The following LHFPL3 variants were observed in gnomAD, a reference collection of about 807,000 sequenced individuals.
LHFPL3 encodes the protein LHFPL tetraspan subfamily member 3.
Under a neutral mutation model 19.3 loss-of-function variants are expected in LHFPL3, and 5 were observed. That is an observed-to-expected ratio of 0.26 (90% CI 0.14 to 0.54). The LOEUF is 0.54. LHFPL3 is among the 20% of genes least tolerant of loss of function. LHFPL3 has a pLI of 0.94. For synonymous variants in LHFPL3, 133 were observed against 126.2 expected (o/e 1.05, Z -0.36); for missense variants, 249 against 307.4 (o/e 0.81, Z 1.42).
At chr7:104,443,997 C>T (rs551552198) in intron 1 of LHFPL3, among the ~76,000 whole-genome samples, 14 of 152,318 alleles carry the variant, frequency 9.2e-5, no homozygotes, top group East Asian at 3.9e-4. Context: ...CATTGATCAT[C>T]GCTGTGTAAT....
intron 2 of LHFPL3, chr7:104,845,617 TC>T: frequency 3.7e-6 from 1 of 270,606 alleles, no homozygotes; most frequent in Non-Finnish European, 5.7e-6. Flanking sequence ...TACTTCTCTC[TC>T]CCACAATCCC....
At chr7:104,515,012 A>G (rs762677219) in intron 1 of LHFPL3, among the ~76,000 whole-genome samples, 3 of 152,154 alleles carry the variant, frequency 2.0e-5, no homozygotes, top group Non-Finnish European at 4.4e-5. Context: ...TTTGCAACCC[A>G]CTACATTAAT....
chr7:104,495,593 C>T (rs532748385), intron 1 of LHFPL3, among the ~76,000 whole-genome samples: 2 of 152,262 alleles, frequency 1.3e-5, no homozygotes, highest in South Asian at 2.1e-4. Flanking sequence ...CCATGTTAGC[C>T]AGGATGGTCT....
chr7:104,355,457 C>G (rs1203152103), intron 1 of LHFPL3, among the ~76,000 whole-genome samples: 6 of 152,192 alleles, frequency 3.9e-5, no homozygotes, highest in Non-Finnish European at 1.5e-5. Flanking sequence ...AGACACTCTG[C>G]TACAGCCAGA....
At chr7:104,421,954 A>G (rs562951314) in intron 1 of LHFPL3, among the ~76,000 whole-genome samples, 35 of 152,186 alleles carry the variant, frequency 2.3e-4, no homozygotes, top group Non-Finnish European at 4.0e-4. Flanking sequence ...CTCTCTATCT[A>G]CTATGGGAAA....
intron 1 of LHFPL3, among the ~76,000 whole-genome samples, chr7:104,330,288 T>G (rs1801544326): frequency 6.6e-6 from 1 of 152,214 alleles, no homozygotes; most frequent in African/African-American, 2.4e-5. Flanking sequence ...GTCCTTTTGA[T>G]TTTATGGATG....
At chr7:104,619,711 A>G (rs978564737) in intron 1 of LHFPL3, among the ~76,000 whole-genome samples, 6 of 152,188 alleles carry the variant, frequency 3.9e-5, no homozygotes, top group Non-Finnish European at 8.8e-5. Context: ...GGAGAATAAC[A>G]ATGTCACACT....
At chr7:104,756,782 C>A (rs1003668508) in intron 2 of LHFPL3, among the ~76,000 whole-genome samples, 1 of 152,184 alleles carries the variant, frequency 6.6e-6, no homozygotes, top group Non-Finnish European at 1.5e-5. Flanking sequence ...TTACAGGCAT[C>A]AGCCACTATG....
chr7:104,790,921 C>T (rs570373065), intron 2 of LHFPL3, among the ~76,000 whole-genome samples: 13 of 152,232 alleles, frequency 8.5e-5, no homozygotes, highest in South Asian at 2.1e-4. Context: ...TTCAAATGTA[C>T]GGTTGTATTA....
intron 1 of LHFPL3, among the ~76,000 whole-genome samples, chr7:104,452,851 C>T (rs1457028365): frequency 6.6e-6 from 1 of 152,062 alleles, no homozygotes; most frequent in Non-Finnish European, 1.5e-5. Context: ...ACTTAAAAGT[C>T]CATCAATAAA....
At chr7:104,679,830 C>A (rs1021388699) in intron 1 of LHFPL3, among the ~76,000 whole-genome samples, 3 of 152,160 alleles carry the variant, frequency 2.0e-5, no homozygotes, top group African/African-American at 7.2e-5. Context: ...TCAAAGAAAA[C>A]TCAGGTGGTC....
At chr7:104,440,257 T>C (rs1792197277) in intron 1 of LHFPL3, among the ~76,000 whole-genome samples, 1 of 152,130 alleles carries the variant, frequency 6.6e-6, no homozygotes, top group African/African-American at 2.4e-5. Flanking sequence ...GTTCATGTCC[T>C]TTGTAGGGAC....
intron 1 of LHFPL3, among the ~76,000 whole-genome samples, chr7:104,623,593 G>T (rs1791491675): frequency 6.6e-6 from 1 of 152,200 alleles, no homozygotes; most frequent in Non-Finnish European, 1.5e-5. Context: ...TCACGCCTCT[G>T]CATGCCAGCC....
At chr7:104,470,062 T>C (rs1236963086) in intron 1 of LHFPL3, 2 of 455,918 alleles carry the variant, frequency 4.4e-6, no homozygotes, top group Admixed American at 4.7e-5. Flanking sequence ...TGCTTCATTC[T>C]GAATGGAAAG....
chr7:104,511,336 A>G (rs1318133455), intron 1 of LHFPL3, among the ~76,000 whole-genome samples: 2 of 152,200 alleles, frequency 1.3e-5, no homozygotes, highest in Non-Finnish European at 2.9e-5. Context: ...AGGTGGAGAA[A>G]CTTAATCACT....
chr7:104,602,728 C>T (rs1790993508), intron 1 of LHFPL3, among the ~76,000 whole-genome samples: 1 of 152,144 alleles, frequency 6.6e-6, no homozygotes, highest in Admixed American at 6.5e-5. Context: ...ATACCACAGA[C>T]TGGGTAATGT....
At chr7:104,376,685 C>T (rs548120219) in intron 1 of LHFPL3, among the ~76,000 whole-genome samples, 90 of 152,230 alleles carry the variant, frequency 5.9e-4, no homozygotes, top group Non-Finnish European at 1.3e-4. Flanking sequence ...GAAGCTAATA[C>T]AGTTGTGAAG....
chr7:104,694,483 T>C (rs964294924), intron 1 of LHFPL3, among the ~76,000 whole-genome samples: 1 of 152,234 alleles, frequency 6.6e-6, no homozygotes, highest in Non-Finnish European at 1.5e-5. Flanking sequence ...TTAGCATAGT[T>C]AACTCACTTC....
chr7:104,437,224 T>C (rs12113712), intron 1 of LHFPL3, among the ~76,000 whole-genome samples: 7,726 of 152,274 alleles, frequency 0.051, 682 homozygotes, highest in African/African-American at 0.18. Context: ...ATTTTTATAG[T>C]TAGCAACAAT....
Sources: allele counts gnomAD v4.1 joint callset (sites outside exome capture counted in the v4.1 genomes callset), GRCh38; gene constraint gnomAD v4.1.1; transcripts MANE v1.5; gene names NCBI Gene and HGNC (gene_info 2026-07-23, HGNC 2026-07-21).